Variants in CLIC5 observed in about 807,000 individuals in gnomAD.
CLIC5 encodes chloride intracellular channel protein 5.
Under a neutral mutation model 24.7 loss-of-function variants are expected in CLIC5, and 20 were observed. The ratio of observed to expected loss-of-function variants is 0.81; its 90% confidence interval spans 0.57 to 1.18. CLIC5 has a LOEUF of 1.18. CLIC5 is among the 50% of genes most tolerant of loss of function. The pLI is 0.00. For missense variants in CLIC5, 341 were observed against 326.1 expected, an observed-to-expected ratio of 1.05 and a Z score of -0.35; for synonymous variants, 159 against 135.6, an observed-to-expected ratio of 1.17 and a Z score of -1.20.
At chr6:45,904,437 T>C (rs185228308) in intron 5 of CLIC5, among the ~76,000 whole-genome samples, 85 of 151,824 alleles carry the variant, frequency 5.6e-4, no homozygotes, top group African/African-American at 2.0e-3. Flanking sequence ...AGTCTCACCT[T>C]GCACTCAGAA....
intron 4 of CLIC5, chr6:45,937,450 T>C (rs1250258804): frequency 1.3e-5 from 2 of 152,238 alleles, no homozygotes; most frequent in Admixed American, 6.5e-5. Context: ...ATTTTACAGA[T>C]GCAGAGCCAG....
At chr6:45,967,505 A>G (rs574221389) in intron 1 of CLIC5, among the ~76,000 whole-genome samples, 1 of 152,336 alleles carries the variant, frequency 6.6e-6, no homozygotes, top group Non-Finnish European at 1.5e-5. Context: ...GTTTATTCAT[A>G]CAAAGTGGCA....
chr6:46,017,116 G>C (rs894145122), upstream of CLIC5, among the ~76,000 whole-genome samples: 1 of 152,100 alleles, frequency 6.6e-6, no homozygotes, highest in Non-Finnish European at 1.5e-5. Flanking sequence ...CACTGCCATA[G>C]GTTTTCTAAA....
the CLIC5 span, among the ~76,000 whole-genome samples, chr6:46,109,122 A>G: frequency 2.6e-5 from 4 of 152,192 alleles, no homozygotes; most frequent in Admixed American, 2.0e-4. Flanking sequence ...TGGAATAACC[A>G]ACTTTTCTTA....
At chr6:46,126,248 C>G in the CLIC5 span, among the ~76,000 whole-genome samples, 1 of 152,126 alleles carries the variant, frequency 6.6e-6, no homozygotes, top group African/African-American at 2.4e-5. Flanking sequence ...GGAATGAATG[C>G]TGGGCAGGCA....
intron 1 of CLIC5, among the ~76,000 whole-genome samples, chr6:46,076,155 C>T (rs1169127714): frequency 1.3e-5 from 2 of 152,180 alleles, no homozygotes; most frequent in African/African-American, 4.8e-5. Flanking sequence ...GAGTGAGGTT[C>T]CCCTAGTGGC....
upstream of CLIC5, among the ~76,000 whole-genome samples, chr6:46,020,698 C>T (rs1002197772): frequency 1.3e-5 from 2 of 151,558 alleles, no homozygotes; most frequent in African/African-American, 4.8e-5. Flanking sequence ...TACCAAAAAA[C>T]TAGAGAGAGA....
chr6:45,930,414 C>T (rs1368961332), intron 4 of CLIC5, among the ~76,000 whole-genome samples: 6 of 152,170 alleles, frequency 3.9e-5, no homozygotes, highest in Non-Finnish European at 5.9e-5. Flanking sequence ...TCCGTCAGGC[C>T]TGGTGGACAT....
At chr6:46,120,763 G>T in the CLIC5 span, among the ~76,000 whole-genome samples, 1 of 152,182 alleles carries the variant, frequency 6.6e-6, no homozygotes, top group Admixed American at 6.5e-5. Flanking sequence ...GAAAACCATG[G>T]CACGAGAACT....
chr6:46,103,347 C>A, the CLIC5 span, among the ~76,000 whole-genome samples: 3 of 152,266 alleles, frequency 2.0e-5, no homozygotes, highest in South Asian at 2.1e-4. Context: ...AGAGACCCTG[C>A]AAACAGAAGT....
intron 1 of CLIC5, among the ~76,000 whole-genome samples, chr6:46,021,920 T>C (rs1197750209): frequency 6.6e-6 from 1 of 152,246 alleles, no homozygotes; most frequent in Non-Finnish European, 1.5e-5. Flanking sequence ...ATTTTCTGTA[T>C]GCAAATTTAA....
chr6:45,911,465 A>C (rs1762815606), intron 5 of CLIC5, among the ~76,000 whole-genome samples: 1 of 152,188 alleles, frequency 6.6e-6, no homozygotes, highest in East Asian at 1.9e-4. Context: ...CTTTGAGAAG[A>C]GGCTGTCTTG....
intron 3 of CLIC5, among the ~76,000 whole-genome samples, chr6:45,946,594 G>A (rs1764296575): frequency 6.6e-6 from 1 of 152,182 alleles, no homozygotes; most frequent in Admixed American, 6.5e-5. Flanking sequence ...AGAACCAGAA[G>A]GCCAGGCTGT....
intron 2 of CLIC5, among the ~76,000 whole-genome samples, chr6:45,954,272 C>CAAAAAAAAAA (rs11311720): frequency 7.8e-5 from 6 of 76,532 alleles, no homozygotes; most frequent in Admixed American, 2.9e-4. Context: ...GACTCTGTCT[C>CAAAAAAAAAA]AAAAAAAAAA....
intron 2 of CLIC5, among the ~76,000 whole-genome samples, chr6:45,951,540 G>A (rs1176046595): frequency 1.3e-5 from 2 of 152,110 alleles, no homozygotes; most frequent in African/African-American, 2.4e-5. Flanking sequence ...CTGTGTCTGC[G>A]CCAGCTGGTC....
intron 5 of CLIC5, among the ~76,000 whole-genome samples, chr6:45,904,757 G>A (rs1215079175): frequency 2.1e-5 from 3 of 145,412 alleles, no homozygotes; most frequent in African/African-American, 7.7e-5. Flanking sequence ...TTTTTTGGGG[G>A]GATACAAGGG....
At chr6:46,050,853 A>ATGTGTGTGTGTGTGTGTGTGTGTGTGTG (rs56660827) in intron 1 of CLIC5, among the ~76,000 whole-genome samples, 1 of 148,564 alleles carries the variant, frequency 6.7e-6, no homozygotes, top group African/African-American at 2.5e-5. Context: ...GTGTGTGTGT[A>ATGTGTGTGTGTGTGTGTGTGTGTGTGTG]TGTGTGTGTG....
At chr6:45,969,796 GTTT>G (rs397779323) in intron 1 of CLIC5, among the ~76,000 whole-genome samples, 10 of 105,306 alleles carry the variant, frequency 9.5e-5, no homozygotes, top group Non-Finnish European at 1.3e-4. Context: ...TCACATCAAG[GTTT>G]TTTTTTTTTT....
At chr6:46,078,191 C>T (rs1762821058) in intron 1 of CLIC5, among the ~76,000 whole-genome samples, 1 of 152,074 alleles carries the variant, frequency 6.6e-6, no homozygotes, top group Non-Finnish European at 1.5e-5. Context: ...AAAACCCCAT[C>T]TCTACTAAAA....
Sources: allele counts gnomAD v4.1 joint callset (sites outside exome capture counted in the v4.1 genomes callset), GRCh38; gene constraint gnomAD v4.1.1; transcripts MANE v1.5; gene names NCBI Gene and HGNC (gene_info 2026-07-23, HGNC 2026-07-21).